The following KIF15 variants were observed in gnomAD, a reference collection of about 807,000 sequenced individuals.
The protein encoded by KIF15 is kinesin family member 15.
A neutral mutation model predicts 190.6 loss-of-function variants in KIF15; 140 were observed. The ratio of observed to expected loss-of-function variants is 0.73; its 90% CI spans 0.64 to 0.84. KIF15 has a LOEUF of 0.84. Ranked by LOEUF, KIF15 falls within the 40% of genes least tolerant of loss-of-function variation. The pLI, the probability that KIF15 is intolerant of heterozygous loss-of-function variation, is 0.00. For synonymous variants in KIF15, 528 were observed against 551.3 expected (o/e 0.96, Z 0.59); for missense variants, 1,372 against 1,584.4 (o/e 0.87, Z 2.28).
intron 16 of KIF15, among the ~76,000 whole-genome samples, chr3:44,808,474 T>C (rs1707621313): frequency 6.6e-6 from 1 of 152,160 alleles, no homozygotes; most frequent in South Asian, 2.1e-4. Context: ...TCTAATATAA[T>C]CCTTTGTCCC....
intron 31 of KIF15, 46 bp downstream of exon 31, chr3:44,848,103 C>A: frequency 1.8e-6 from 2 of 1,140,586 alleles, no homozygotes; most frequent in Non-Finnish European, 2.6e-6. Context: ...CTGAGCAATG[C>A]TTTTATAGTT....
intron 14 of KIF15, among the ~76,000 whole-genome samples, chr3:44,803,754 GC>G (rs1707377102): frequency 6.6e-6 from 1 of 152,122 alleles, no homozygotes; most frequent in Non-Finnish European, 1.5e-5. Context: ...CATTTTTTAA[GC>G]CTTCTTCCAT....
chr3:44,782,115 T>C (rs564392740), intron 5 of KIF15, among the ~76,000 whole-genome samples: 4 of 152,308 alleles, frequency 2.6e-5, no homozygotes, highest in Admixed American at 2.6e-4. Context: ...AGTGGTACAA[T>C]CTTGGCTCAC....
At chr3:44,795,816 GATTTGAGTCGCCTGACCTAC>G (rs1706948760) in intron 8 of KIF15, among the ~76,000 whole-genome samples, 1 of 152,078 alleles carries the variant, frequency 6.6e-6, no homozygotes, top group Admixed American at 6.6e-5. Context: ...TAAAAGTGAG[GATTTGAGTCGCCTGACCTAC>G]ATTTGAGGCA....
At chr3:44,852,025 A>C in intron 33 of KIF15, 73 bp downstream of exon 33, 1 of 1,518,992 alleles carries the variant, frequency 6.6e-7, no homozygotes, top group Non-Finnish European at 8.9e-7. Flanking sequence ...CGTAAAACTC[A>C]CTTTGTGATT....
chr3:44,861,471 C>T (rs1699243919), intron 6 of KIF15, among the ~76,000 whole-genome samples: 1 of 152,218 alleles, frequency 6.6e-6, no homozygotes. Flanking sequence ...TCCCCAGCGC[C>T]CTCTGCCGAG....
chr3:44,797,513 C>T lies in KIF15; in HGVS notation c.850-38C>T, dbSNP rs754646208. 44 of 1,604,202 alleles carry T rather than the reference C, an allele frequency of 2.7e-5. No individual in the cohort carries two copies. The East Asian group carries it at 6.0e-4, about 22-fold the overall frequency. On this transcript the variant is annotated intron_variant, in intron 8 of 34. Coordinates refer to ENST00000326047, the MANE Select transcript of KIF15 (RefSeq NM_020242.3). ...ATTCAAAATACCAAAGAGTAACCAA[C>T]GTACCTAAATTTTTGTTCTTTTCCG...
rs781437877 is a variant in KIF15 at position 44,778,145 on chromosome 3, A to G, written c.277A>G (p.Ile93Val). The change falls in exon 4 of 35, where the codon ATT becomes GTT. Residue 93 changes from isoleucine (I) to valine (V), a missense_variant. Coordinates refer to ENST00000326047, the MANE Select transcript of KIF15 (RefSeq NM_020242.3). Reference sequence around the variant, plus strand: ...TGTATTCGCAACTGTGGCTAAAAGCATTGTGGAGTCTTGCATGAGCGGTTA... The same window carrying G: ...TGTATTCGCAACTGTGGCTAAAAGCGTTGTGGAGTCTTGCATGAGCGGTTA... ...ESVFATVAKSIVESCMSGYNG... is the reference protein window; with the variant it reads ...ESVFATVAKSVVESCMSGYNG... The G allele has an allele frequency of 6.2e-6, 10 of 1,613,934 alleles. No individual in the cohort carries two copies. The African/African-American group carries it at 1.2e-4, about 19-fold the overall frequency.
intron 26 of KIF15, among the ~76,000 whole-genome samples, chr3:44,832,411 T>C (rs914392866): frequency 2.0e-5 from 3 of 151,804 alleles, no homozygotes; most frequent in African/African-American, 7.3e-5. Flanking sequence ...GGGGGTGAGA[T>C]AGAGTTGGGA....
chr3:44,864,231 T>G (rs1379265849), intron 6 of KIF15: 9 of 1,614,222 alleles, frequency 5.6e-6, no homozygotes, highest in Non-Finnish European at 7.6e-6. Flanking sequence ...GGCATTATTG[T>G]GATGGCGAGC....
intron 8 of KIF15, among the ~76,000 whole-genome samples, chr3:44,796,007 G>A (rs1181308769): frequency 2.6e-5 from 4 of 151,888 alleles, no homozygotes; most frequent in Admixed American, 6.6e-5. Context: ...GATTACAGGC[G>A]CCCACCACCA....
At position 44,852,841 on chromosome 3, in the gene KIF15, T is replaced by A; in HGVS notation, c.*106T>A. 1 of 834,198 alleles carries A rather than the reference T, an allele frequency of 1.2e-6. No individual in the cohort carries two copies. The highest frequency in any genetic ancestry group is 1.9e-6 in the Non-Finnish European group (1 of 535,128). The allele number at this position is 834,198 out of a possible 1,614,324, so 51.7% of individuals were successfully genotyped here. A position where few individuals can be genotyped will look rare whatever the true frequency, so the allele number is the denominator to read the frequency against. ...TTAGGAGAGCTGAATTTATGGACCT[T>A]AATTATTAAATGTTTATAAGGTGGT... is the stretch of plus-strand genomic sequence containing the variant. On this transcript the variant is annotated 3_prime_UTR_variant, in exon 35 of 35. Transcript: ENST00000326047.
At chr3:44,788,718 C>T (rs768761495) in intron 7 of KIF15, among the ~76,000 whole-genome samples, 4 of 152,152 alleles carry the variant, frequency 2.6e-5, no homozygotes, top group Admixed American at 1.3e-4. Context: ...CAGCCTCCCA[C>T]TATAGGCGTG....
Position 44,831,027 on chromosome 3 carries a change from TA to T in KIF15, c.3171+11del. 6.2e-7 allele frequency: 1 copy of T among 1,611,394 alleles called. No homozygotes were observed. Among genetic ancestry groups the T allele is most frequent in the South Asian group, 1.1e-5 (1 of 90,242 alleles). On this transcript the variant is annotated intron_variant, in intron 26 of 34. Coordinates refer to ENST00000326047, the MANE Select transcript of KIF15 (RefSeq NM_020242.3). ...TTTCTGAGGACATAGAGGTAGGTAT[TA>T]ACGCATCACAGCTTCTTTGTTTGCC...
chr3:44,854,237 T>C (rs527650463), downstream of KIF15, among the ~76,000 whole-genome samples: 1 of 151,964 alleles, frequency 6.6e-6, no homozygotes, highest in East Asian at 1.9e-4. Flanking sequence ...ATACAAAAAT[T>C]AGCTGGGTGT....
intron 20 of KIF15, among the ~76,000 whole-genome samples, chr3:44,816,095 A>C (rs1057120211): frequency 7.9e-5 from 12 of 152,154 alleles, no homozygotes; most frequent in Non-Finnish European, 1.8e-4. Context: ...AATTATTACT[A>C]ATGAAATACT....
chr3:44,799,618 C>T (rs765239489), intron 10 of KIF15, among the ~76,000 whole-genome samples: 2 of 149,144 alleles, frequency 1.3e-5, no homozygotes, highest in South Asian at 2.1e-4. Flanking sequence ...AGTGCAGTGG[C>T]GCACATGTGT....
At position 44,829,557 on chromosome 3, in the gene KIF15, T is replaced by TATTATATATGTATATATTATATATG. The variant is rs1553658691; in HGVS notation, c.2944-414_2944-413insATTATATATGTATATATTATATATG. Among the ~76,000 whole-genome samples, 54 of 112,242 alleles carry TATTATATATGTATATATTATATATG rather than the reference T, an allele frequency of 4.8e-4. 2 individuals carry two copies. Among genetic ancestry groups the TATTATATATGTATATATTATATATG allele is most frequent in the East Asian group, 4.5e-3 (20 of 4,434 alleles). 73.6% of individuals were successfully genotyped at this position (112,242 alleles called of 152,430 possible). A position where few individuals can be genotyped will look rare whatever the true frequency, so the allele number is the denominator to read the frequency against. On this transcript the variant is annotated intron_variant, in intron 24 of 34. Transcript: ENST00000326047. ...TATGTATATATTATATATGTATATA[T>TATTATATATGTATATATTATATATG]TATATATGTATATATTATATATGTA...
intron 6 of KIF15, among the ~76,000 whole-genome samples, chr3:44,785,685 C>G (rs527464260): frequency 6.6e-6 from 1 of 152,270 alleles, no homozygotes; most frequent in East Asian, 1.9e-4. Context: ...CCATGCATTT[C>G]TATGGTTAAA....
Sources: gnomAD v4.1 joint callset for allele counts (sites outside exome capture counted in the v4.1 genomes callset) on GRCh38, gnomAD v4.1.1 for gene constraint, MANE v1.5 for transcripts, NCBI Gene and HGNC (gene_info 2026-07-23, HGNC 2026-07-21) for gene names.